Variants in PLB1 observed in about 807,000 individuals in gnomAD.
PLB1 encodes the protein phospholipase B1.
A neutral mutation model predicts 227.4 loss-of-function variants in PLB1; 242 were observed. The observed-to-expected ratio is 1.06, with a 90% confidence interval of 0.96 to 1.18. The LOEUF (loss-of-function observed/expected upper bound fraction) is 1.18, where lower values mean the gene tolerates loss of function less well. Ranked by LOEUF, PLB1 falls within the 50% of genes most tolerant of loss-of-function variation. The pLI, the probability that PLB1 is intolerant of heterozygous loss-of-function variation, is 0.00. For missense variants in PLB1, 1,858 were observed against 1,816.3 expected, an observed-to-expected ratio of 1.02 and a Z score of -0.42; for synonymous variants, 757 against 682.2, an observed-to-expected ratio of 1.11 and a Z score of -1.71.
intron 15 of PLB1, among the ~76,000 whole-genome samples, chr2:28,549,509 G>A (rs574436923): frequency 5.2e-5 from 7 of 135,660 alleles, no homozygotes; most frequent in South Asian, 2.3e-4. Flanking sequence ...TCTGCCTCCC[G>A]GGTTCAAGCG....
At chr2:28,600,013 T>G (rs1367427953) in intron 35 of PLB1, among the ~76,000 whole-genome samples, 1 of 152,060 alleles carries the variant, frequency 6.6e-6, no homozygotes, top group Non-Finnish European at 1.5e-5. Flanking sequence ...GTTTAAGCAA[T>G]CATCCCACCT....
At chr2:28,627,874 G>A (rs577621701) in intron 51 of PLB1, among the ~76,000 whole-genome samples, 11 of 152,208 alleles carry the variant, frequency 7.2e-5, no homozygotes, top group East Asian at 5.8e-4. Context: ...GTTACCACCC[G>A]CACCCCCACT....
chr2:28,598,143 A>G (rs771614746), intron 34 of PLB1, 95 bp downstream of exon 34: 13 of 1,045,082 alleles, frequency 1.2e-5, no homozygotes, highest in African/African-American at 3.2e-5. Flanking sequence ...AGCAAATGAC[A>G]TCTGCCTTAT....
chr2:28,600,051 G>A (rs939996311), intron 35 of PLB1, among the ~76,000 whole-genome samples: 6 of 152,080 alleles, frequency 3.9e-5, no homozygotes, highest in Admixed American at 2.0e-4. Flanking sequence ...GGGACTACAG[G>A]CATGTACCAC....
intron 43 of PLB1, among the ~76,000 whole-genome samples, chr2:28,611,162 A>T (rs1685406193): frequency 6.6e-6 from 1 of 152,054 alleles, no homozygotes; most frequent in Non-Finnish European, 1.5e-5. Flanking sequence ...GTCTGCCACA[A>T]CCCTGGGCTG....
At position 28,631,900 on chromosome 2, in the gene PLB1, A is replaced by C. The variant is rs1361019466; in HGVS notation, c.3898-136A>C. ...GAGAATAAAAGTATGTTTGCATCCC[A>C]CTAGAGTAGCCCCTTAAAGTCACTG... is the stretch of plus-strand genomic sequence containing the variant. On this transcript the variant is annotated intron_variant, in intron 54 of 57. Transcript: ENST00000327757. 5.8e-6 allele frequency: 4 copies of C among 685,696 alleles called. No individual in the cohort carries two copies. The Admixed American group carries it at 9.4e-5, about 16-fold the overall frequency. The allele number at this position is 685,696 out of a possible 1,614,324, so 42.5% of individuals were successfully genotyped here.
chr2:28,629,868 G>T (rs1176969972), intron 53 of PLB1, among the ~76,000 whole-genome samples: 1 of 152,282 alleles, frequency 6.6e-6, no homozygotes, highest in East Asian at 1.9e-4. Flanking sequence ...GAGGGCAGAG[G>T]GCCTCCCACA....
intron 1 of PLB1, among the ~76,000 whole-genome samples, chr2:28,512,125 A>T (rs1668355304): frequency 1.7e-5 from 2 of 120,134 alleles, no homozygotes; most frequent in Non-Finnish European, 3.2e-5. Context: ...GGCTCATATT[A>T]CATGTATGTT....
intron 22 of PLB1, among the ~76,000 whole-genome samples, chr2:28,578,802 A>G (rs957397292): frequency 6.6e-5 from 10 of 152,206 alleles, no homozygotes; most frequent in African/African-American, 1.7e-4. Context: ...ATCAAAGTCT[A>G]TTATTGGGAG....
intron 56 of PLB1, 86 bp downstream of exon 56, chr2:28,633,125 G>A: frequency 8.6e-7 from 1 of 1,164,046 alleles, no homozygotes; most frequent in Non-Finnish European, 1.3e-6. Context: ...AACTACTGGA[G>A]ACATGGCTCC....
intron 31 of PLB1, 44 bp downstream of exon 31, chr2:28,591,804 G>C (rs1430123295): frequency 6.3e-7 from 1 of 1,588,048 alleles, no homozygotes; most frequent in Admixed American, 1.7e-5. Flanking sequence ...CCCTCCACAG[G>C]GGCTGCTATG....
At chr2:28,521,799 C>CG (rs1669563646) in intron 4 of PLB1, among the ~76,000 whole-genome samples, 1 of 152,040 alleles carries the variant, frequency 6.6e-6, no homozygotes, top group Non-Finnish European at 1.5e-5. Context: ...CTGGATAGAA[C>CG]ACTTCCTTAT....
At position 28,540,897 on chromosome 2, in the gene PLB1, G is replaced by A. The variant is rs575314782; in HGVS notation, c.774+456G>A. ...CCAAGAGAGGGTGAAGGGGTTGGGC[G>A]TGGTGGCTCACACCTGTAATCCCAG... is the stretch of plus-strand genomic sequence containing the variant. On this transcript the variant is annotated intron_variant, in intron 12 of 57. Coordinates refer to ENST00000327757, the MANE Select transcript of PLB1 (RefSeq NM_153021.5). Among the ~76,000 whole-genome samples the A allele has an allele frequency of 2.5e-4, 38 of 152,276 alleles. No homozygotes were observed. The East Asian group carries it at 2.5e-3, about 10-fold the overall frequency.
At chr2:28,498,109 A>T (rs1393168212) in intron 1 of PLB1, among the ~76,000 whole-genome samples, 2 of 151,728 alleles carry the variant, frequency 1.3e-5, no homozygotes, top group Non-Finnish European at 2.9e-5. Flanking sequence ...GAGGTCATGA[A>T]GATATCTTAT....
At position 28,614,220 on chromosome 2, in the gene PLB1, T is replaced by A. The variant is rs944487144; in HGVS notation, c.3195+124T>A. ...AAATGTACTTCTTACATACTGGGGA[T>A]TGGAATGTACAGAAAAGGCTCCCGG... On this transcript the variant is annotated intron_variant, in intron 44 of 57. Coordinates refer to ENST00000327757, the MANE Select transcript of PLB1 (RefSeq NM_153021.5). 10 of 989,288 alleles carry A rather than the reference T, an allele frequency of 1.0e-5. No individual in the cohort carries two copies. The African/African-American group carries it at 1.4e-4, about 14-fold the overall frequency. 61.3% of individuals were successfully genotyped at this position (989,288 alleles called of 1,614,324 possible).
intron 50 of PLB1, among the ~76,000 whole-genome samples, chr2:28,625,488 C>G (rs1009289562): frequency 6.6e-6 from 1 of 152,164 alleles, no homozygotes; most frequent in African/African-American, 2.4e-5. Flanking sequence ...TCACCCTGCC[C>G]CTCTGAAACT....
chr2:28,541,213 G>A (rs113203966), intron 12 of PLB1, among the ~76,000 whole-genome samples: 3,545 of 147,160 alleles, frequency 0.024, 131 homozygotes, highest in African/African-American at 0.09. Flanking sequence ...AAATAAGGGC[G>A]AAGGGCTCAA....
chr2:28,500,752 AAAAG>A (rs1666998957), intron 1 of PLB1, among the ~76,000 whole-genome samples: 1 of 148,938 alleles, frequency 6.7e-6, no homozygotes, highest in African/African-American at 2.5e-5. Flanking sequence ...TCTCCAAAAA[AAAAG>A]AAAAGAAAAG....
intron 18 of PLB1, among the ~76,000 whole-genome samples, chr2:28,563,474 C>G (rs1676367242): frequency 1.3e-5 from 2 of 149,842 alleles, no homozygotes; most frequent in South Asian, 4.3e-4. Context: ...CTCCAAGGAT[C>G]CAGTGCTTTG....
Sources: gnomAD v4.1 joint callset for allele counts (sites outside exome capture counted in the v4.1 genomes callset) on GRCh38, gnomAD v4.1.1 for gene constraint, MANE v1.5 for transcripts, NCBI Gene and HGNC (gene_info 2026-07-23, HGNC 2026-07-21) for gene names.